CHKA: variants seen among roughly 807,000 people sequenced by gnomAD.
The protein encoded by CHKA is CHETK-alpha.
CHKA carries 34 observed loss-of-function variants against 60.1 expected under a neutral mutation model. The observed-to-expected ratio is 0.57, with a 90% CI of 0.43 to 0.75. The LOEUF (loss-of-function observed/expected upper bound fraction) is 0.75, where lower values mean the gene tolerates loss of function less well. Among genes scored for constraint, CHKA ranks in the 30% least tolerant of loss-of-function variants. The probability of loss-of-function intolerance (pLI) is 0.00; values close to 1 mark genes in which losing one functional copy is unlikely to be tolerated. For synonymous variants in CHKA, 217 were observed against 223.1 expected, an observed-to-expected ratio of 0.97 and a Z score of 0.24; for missense variants, 563 against 561.3, an observed-to-expected ratio of 1.00 and a Z score of -0.03.
intron 2 of CHKA, among the ~76,000 whole-genome samples, chr11:68,091,911 T>C (rs575378182): frequency 6.6e-6 from 1 of 152,304 alleles, no homozygotes; most frequent in East Asian, 1.9e-4. Flanking sequence ...AGAAGGGACA[T>C]ACTAAACTAA....
chr11:68,114,245 A>G (rs1858295955), intron 1 of CHKA, among the ~76,000 whole-genome samples: 2 of 152,190 alleles, frequency 1.3e-5, no homozygotes, highest in South Asian at 4.1e-4. Flanking sequence ...TGAATTGAAA[A>G]CCTACACACA....
Position 68,085,924 on chromosome 11 carries a change from C to T in CHKA, c.463-4467G>A, listed in dbSNP as rs376892338. ...GATTACAGGTGTGTGCCACCACGCC[C>T]GGCTATTTAGGCTTTGTATTTTAAA... On this transcript the variant is annotated intron_variant, in intron 2 of 11. Coordinates refer to ENST00000265689, the MANE Select transcript of CHKA (RefSeq NM_001277.3). Among the ~76,000 whole-genome samples, 62 of 152,152 alleles carry T rather than the reference C, an allele frequency of 4.1e-4. 1 individual carries two copies. The East Asian group carries it at 5.6e-3, about 14-fold the overall frequency.
chr11:68,095,281 T>C (rs1857461875), intron 2 of CHKA, among the ~76,000 whole-genome samples: 1 of 150,694 alleles, frequency 6.6e-6, no homozygotes, highest in African/African-American at 2.4e-5. Context: ...CGGACACCTG[T>C]AGTCCCAGCT....
intron 7 of CHKA, 67 bp downstream of exon 7, chr11:68,068,812 C>A: frequency 9.4e-7 from 1 of 1,068,630 alleles, no homozygotes; most frequent in East Asian, 2.4e-5. Context: ...ATTTTTCAGA[C>A]ACACTGCCAG....
At chr11:68,073,997 C>T (rs1330422799) in intron 4 of CHKA, among the ~76,000 whole-genome samples, 1 of 152,130 alleles carries the variant, frequency 6.6e-6, no homozygotes, top group Non-Finnish European at 1.5e-5. Context: ...CAGAGCCACA[C>T]TTCAACACTT....
chr11:68,114,558 G>A (rs774597809), intron 1 of CHKA, among the ~76,000 whole-genome samples: 2 of 151,982 alleles, frequency 1.3e-5, no homozygotes, highest in Admixed American at 6.6e-5. Context: ...TTAGCCAGGC[G>A]GGGTGGCACA....
chr11:68,068,421 A>ATTT (rs1191066672), intron 7 of CHKA, among the ~76,000 whole-genome samples: 1 of 142,838 alleles, frequency 7.0e-6, no homozygotes, highest in Non-Finnish European at 1.5e-5. Flanking sequence ...CTTCCATGTA[A>ATTT]TTTTTTTTTT....
chr11:68,109,760 T>A (rs948040627), intron 1 of CHKA, among the ~76,000 whole-genome samples: 1 of 152,134 alleles, frequency 6.6e-6, no homozygotes, highest in Admixed American at 6.6e-5. Flanking sequence ...AAGACCAGCC[T>A]GGCCAACATG....
chr11:68,088,969 CAG>C (rs1190651357), intron 2 of CHKA, among the ~76,000 whole-genome samples: 28 of 152,310 alleles, frequency 1.8e-4, no homozygotes, highest in Middle Eastern at 3.4e-3. Context: ...AGAATTTAAA[CAG>C]ATAAGTGATT....
At chr11:68,106,057 T>C (rs541106172) in intron 1 of CHKA, among the ~76,000 whole-genome samples, 2 of 152,306 alleles carry the variant, frequency 1.3e-5, no homozygotes, top group Non-Finnish European at 2.9e-5. Flanking sequence ...AGCTACTGAA[T>C]TTAGAGCACA....
intron 2 of CHKA, among the ~76,000 whole-genome samples, chr11:68,093,517 A>C (rs1360247422): frequency 6.6e-6 from 1 of 152,226 alleles, no homozygotes; most frequent in African/African-American, 2.4e-5. Context: ...AAGTGGCTTA[A>C]ATTATTCTTT....
chr11:68,089,794 T>A (rs975309340), intron 2 of CHKA: 1 of 152,208 alleles, frequency 6.6e-6, no homozygotes, highest in Admixed American at 6.5e-5. Flanking sequence ...TAGAGAATGC[T>A]CCAACTTCAG....
At chr11:68,084,971 C>T (rs1404948915) in intron 2 of CHKA, among the ~76,000 whole-genome samples, 1 of 152,128 alleles carries the variant, frequency 6.6e-6, no homozygotes, top group Non-Finnish European at 1.5e-5. Context: ...GCCTAAGACA[C>T]CCAACTCCAT....
intron 1 of CHKA, among the ~76,000 whole-genome samples, chr11:68,107,160 G>A (rs1377439013): frequency 6.6e-6 from 1 of 152,018 alleles, no homozygotes; most frequent in Non-Finnish European, 1.5e-5. Context: ...GCTTAGGCAG[G>A]AGAATCGCTT....
intron 2 of CHKA, among the ~76,000 whole-genome samples, chr11:68,084,329 C>CACATAT (rs1555009440): frequency 1.5e-5 from 2 of 136,934 alleles, no homozygotes; most frequent in Admixed American, 1.5e-4. Context: ...TATATATACA[C>CACATAT]ATATACGTAT....
Position 68,121,229 on chromosome 11 carries a change from G to A in CHKA, c.-52C>T, listed in dbSNP as rs1487646749. ...GGCGGCCGCAGCGCGAGAGGACTAGGCTCAGAGTCCGGCCGGGCGCCCCCT... is the reference window on the plus strand; with the variant it reads ...GGCGGCCGCAGCGCGAGAGGACTAGACTCAGAGTCCGGCCGGGCGCCCCCT... On this transcript the variant is annotated 5_prime_UTR_variant, in exon 1 of 12. Transcript: ENST00000265689. 2.7e-6 allele frequency: 3 copies of A among 1,091,998 alleles called. No homozygotes were observed. Among genetic ancestry groups the A allele is most frequent in the East Asian group, 5.7e-5 (1 of 17,460 alleles). 67.6% of individuals were successfully genotyped at this position (1,091,998 alleles called of 1,614,324 possible).
At chr11:68,070,149 C>A (rs1590842430) in intron 6 of CHKA, 40 bp downstream of exon 6, 2 of 1,419,626 alleles carry the variant, frequency 1.4e-6, no homozygotes, top group African/African-American at 1.4e-5. Context: ...GTTTTAGTGA[C>A]TAAGAATATT....
chr11:68,087,672 G>A (rs1406102643), intron 2 of CHKA, among the ~76,000 whole-genome samples: 3 of 152,080 alleles, frequency 2.0e-5, no homozygotes, highest in Non-Finnish European at 4.4e-5. Flanking sequence ...AAACATGGAT[G>A]ACATTCTCTT....
chr11:68,085,325 G>T (rs1260556197), intron 2 of CHKA, among the ~76,000 whole-genome samples: 1 of 152,054 alleles, frequency 6.6e-6, no homozygotes, highest in African/African-American at 2.4e-5. Context: ...CCCAGGTCGA[G>T]CAATCCTCCT....
Sources: gnomAD v4.1 joint callset for allele counts (sites outside exome capture counted in the v4.1 genomes callset) on GRCh38, gnomAD v4.1.1 for gene constraint, MANE v1.5 for transcripts, NCBI Gene and HGNC (gene_info 2026-07-23, HGNC 2026-07-21) for gene names.